Variants in LYZL4 observed in about 807,000 individuals in gnomAD.
LYZL4 encodes lysozyme like 4.
A neutral mutation model predicts 17.6 loss-of-function variants in LYZL4; 13 were observed. That is an observed-to-expected ratio of 0.74 (90% CI 0.48 to 1.18). The LOEUF (loss-of-function observed/expected upper bound fraction) is 1.18. Ranked by LOEUF, LYZL4 falls within the 50% of genes most tolerant of loss-of-function variation. The pLI is 0.00. For synonymous variants in LYZL4, 64 were observed against 67.7 expected (o/e 0.95, Z 0.27); for missense variants, 174 against 188.2 (o/e 0.92, Z 0.44).
chr3:42,364,177 G>A, the LYZL4 span, among the ~76,000 whole-genome samples: 2 of 152,112 alleles, frequency 1.3e-5, no homozygotes, highest in African/African-American at 4.8e-5. Context: ...GGGGCTTTCT[G>A]CTCCACCCCT....
At chr3:42,406,657 C>T (rs1227793081) in intron 3 of LYZL4, among the ~76,000 whole-genome samples, 189 bp downstream of exon 3, 2 of 152,022 alleles carry the variant, frequency 1.3e-5, no homozygotes, top group Non-Finnish European at 2.9e-5. Context: ...TGCCTGACTC[C>T]CCACAGCCTG....
At chr3:42,402,900 A>G (rs1698682245) in intron 4 of LYZL4, among the ~76,000 whole-genome samples, 1 of 152,232 alleles carries the variant, frequency 6.6e-6, no homozygotes, top group Non-Finnish European at 1.5e-5. Flanking sequence ...AATCCACACA[A>G]TGGAATACTG....
chr3:42,368,178 G>A, the LYZL4 span, among the ~76,000 whole-genome samples: 11 of 152,344 alleles, frequency 7.2e-5, no homozygotes, highest in African/African-American at 2.6e-4. Flanking sequence ...CAAACTAGTT[G>A]CTGCGGAGCC....
At chr3:42,403,024 A>G (rs1241333153) in intron 4 of LYZL4, among the ~76,000 whole-genome samples, 1 of 152,264 alleles carries the variant, frequency 6.6e-6, no homozygotes, top group African/African-American at 2.4e-5. Context: ...CTTCTAAGCA[A>G]ATATCTGGCT....
chr3:42,405,929 G>A (rs577818023), intron 3 of LYZL4, among the ~76,000 whole-genome samples: 10 of 152,256 alleles, frequency 6.6e-5, no homozygotes, highest in African/African-American at 2.4e-4. Context: ...GGGCTTAAAA[G>A]AGTAGCTGGC....
intron 1 of LYZL4, among the ~76,000 whole-genome samples, chr3:42,407,753 G>C (rs1025603306): frequency 6.7e-6 from 1 of 149,748 alleles, no homozygotes; most frequent in East Asian, 2.0e-4. Flanking sequence ...AACCACTACC[G>C]ACCTGTTGAA....
chr3:42,371,226 G>A, the LYZL4 span, among the ~76,000 whole-genome samples: 2 of 152,174 alleles, frequency 1.3e-5, no homozygotes, highest in Non-Finnish European at 2.9e-5. Context: ...GTGGTTTATT[G>A]CCTTACTAGA....
downstream of LYZL4, among the ~76,000 whole-genome samples, chr3:42,393,305 C>A (rs1334265271): frequency 6.6e-6 from 1 of 151,804 alleles, no homozygotes; most frequent in Non-Finnish European, 1.5e-5. Context: ...GGCTATGCTG[C>A]AGGATACACA....
chr3:42,391,955 T>C, the LYZL4 span, among the ~76,000 whole-genome samples: 1 of 151,886 alleles, frequency 6.6e-6, no homozygotes, highest in Non-Finnish European at 1.5e-5. Context: ...CTACAACCTC[T>C]GCCCCTGGGC....
At chr3:42,399,062 A>G (rs372776580) in intron 4 of LYZL4, among the ~76,000 whole-genome samples, 1 of 152,252 alleles carries the variant, frequency 6.6e-6, no homozygotes, top group African/African-American at 2.4e-5. Flanking sequence ...CAGTTCACAG[A>G]AAAATAGCCA....
chr3:42,408,010 G>A (rs1444194310), intron 1 of LYZL4, among the ~76,000 whole-genome samples: 1 of 152,126 alleles, frequency 6.6e-6, no homozygotes, highest in Non-Finnish European at 1.5e-5. Context: ...TCAGAGAATG[G>A]ACTCTTGAGT....
the LYZL4 span, among the ~76,000 whole-genome samples, chr3:42,374,897 A>G: frequency 6.6e-6 from 1 of 152,088 alleles, no homozygotes; most frequent in Non-Finnish European, 1.5e-5. Flanking sequence ...ATCACAGCCC[A>G]CTGAAGCCTC....
the LYZL4 span, among the ~76,000 whole-genome samples, chr3:42,373,928 C>G: frequency 2.0e-5 from 3 of 152,042 alleles, no homozygotes; most frequent in Non-Finnish European, 2.9e-5. Context: ...ATGGGTTAGG[C>G]TTTGTGACTT....
At chr3:42,376,623 T>C in the LYZL4 span, among the ~76,000 whole-genome samples, 1 of 152,146 alleles carries the variant, frequency 6.6e-6, no homozygotes, top group East Asian at 1.9e-4. Context: ...CCCCAACGAG[T>C]GACTCATTCT....
At chr3:42,369,273 T>C in the LYZL4 span, among the ~76,000 whole-genome samples, 2 of 152,266 alleles carry the variant, frequency 1.3e-5, no homozygotes, top group Non-Finnish European at 2.9e-5. Flanking sequence ...CTACTGGTCT[T>C]GGCGGCATGG....
chr3:42,404,184 T>A, intron 3 of LYZL4, 60 bp from the exon 4 acceptor site: 7 of 1,134,534 alleles, frequency 6.2e-6, no homozygotes, highest in Non-Finnish European at 6.7e-6. Context: ...GTTAGAGTGA[T>A]GTCAGGGAAG....
chr3:42,376,960 CA>C, the LYZL4 span, among the ~76,000 whole-genome samples: 2 of 152,188 alleles, frequency 1.3e-5, 1 homozygote, highest in Admixed American at 1.3e-4. Context: ...AATCATTCAG[CA>C]AAAGCAAGGA....
At chr3:42,387,200 T>C in the LYZL4 span, among the ~76,000 whole-genome samples, 1 of 152,218 alleles carries the variant, frequency 6.6e-6, no homozygotes, top group Non-Finnish European at 1.5e-5. Context: ...TGTCTGTATT[T>C]ATCTCCATTT....
chr3:42,391,896 A>G, the LYZL4 span, among the ~76,000 whole-genome samples: 6 of 149,620 alleles, frequency 4.0e-5, no homozygotes. Flanking sequence ...TTTTTCTGAG[A>G]TGGAGTCTCA....
Sources: gnomAD v4.1 joint callset for allele counts (sites outside exome capture counted in the v4.1 genomes callset) on GRCh38, gnomAD v4.1.1 for gene constraint, MANE v1.5 for transcripts, NCBI Gene and HGNC (gene_info 2026-07-23, HGNC 2026-07-21) for gene names.